IGSF10: variants seen among roughly 807,000 people sequenced by gnomAD.
IGSF10 encodes the protein calvaria mechanical force protein 608.
In IGSF10, 126 loss-of-function variants were observed where a neutral mutation model predicts 128.2. That is an observed-to-expected ratio of 0.98 (90% CI 0.85 to 1.14). The LOEUF is 1.14. IGSF10 is among the 50% of genes most tolerant of loss of function. The pLI is 0.00. For missense variants in IGSF10, 3,295 were observed against 3,149.8 expected, an observed-to-expected ratio of 1.05 and a Z score of -1.10; for synonymous variants, 1,185 against 1,146.2, an observed-to-expected ratio of 1.03 and a Z score of -0.68.
the IGSF10 span, among the ~76,000 whole-genome samples, chr3:151,574,678 C>A: frequency 6.6e-6 from 1 of 152,268 alleles, no homozygotes; most frequent in South Asian, 2.1e-4. Context: ...TCCTTTAGCT[C>A]AGAGAAGTTT....
the IGSF10 span, among the ~76,000 whole-genome samples, chr3:151,498,670 A>G: frequency 8.0e-3 from 1,216 of 152,262 alleles, 14 homozygotes; most frequent in South Asian, 7.9e-3. Context: ...ACAAGTAGAC[A>G]AATTGAAAAT....
chr3:151,545,489 T>C, the IGSF10 span, among the ~76,000 whole-genome samples: 1 of 152,212 alleles, frequency 6.6e-6, no homozygotes. Flanking sequence ...AGGCTTTCTA[T>C]CACTTCCATT....
chr3:151,485,695 A>C, the IGSF10 span, among the ~76,000 whole-genome samples: 1 of 152,162 alleles, frequency 6.6e-6, no homozygotes, highest in South Asian at 2.1e-4. Flanking sequence ...CGTATCCAAC[A>C]AAACTAAGCT....
At chr3:151,524,150 G>A in the IGSF10 span, among the ~76,000 whole-genome samples, 1 of 152,134 alleles carries the variant, frequency 6.6e-6, no homozygotes, top group Non-Finnish European at 1.5e-5. Context: ...CGAGGTTGCA[G>A]AGAAAAGGGA....
chr3:151,515,310 C>T, the IGSF10 span, among the ~76,000 whole-genome samples: 20 of 151,784 alleles, frequency 1.3e-4, no homozygotes, highest in Non-Finnish European at 1.9e-4. Flanking sequence ...GAGTTCATGT[C>T]CTTTGTATGG....
chr3:151,449,241 CT>C lies in IGSF10; in HGVS notation c.739del (p.Arg247GlufsTer13). 6.3e-7 allele frequency: 1 copy of C among 1,579,026 alleles called. No homozygotes were observed. The highest frequency in any genetic ancestry group is 8.6e-7 in the Non-Finnish European group (1 of 1,164,224). The part of the protein sequence containing the change: ...KPDVIKCKKD[R>X]SPSSAQQCPL... ...ACACTGCTGAGCACTAGAGGGACTT[CT>C]ATCTTTTTTGCATTTTATTACATCT... On this transcript the variant is annotated frameshift_variant, in exon 6 of 8. Coordinates refer to ENST00000282466, the MANE Select transcript of IGSF10 (RefSeq NM_178822.5). LOFTEE classifies it high-confidence loss of function.
At chr3:151,482,951 C>A in the IGSF10 span, among the ~76,000 whole-genome samples, 869 of 151,438 alleles carry the variant, frequency 5.7e-3, 9 homozygotes, top group African/African-American at 0.02. Flanking sequence ...TTATGCTTAG[C>A]AAATCTGTTA....
At chr3:151,578,291 T>C in the IGSF10 span, among the ~76,000 whole-genome samples, 1 of 152,166 alleles carries the variant, frequency 6.6e-6, no homozygotes, top group African/African-American at 2.4e-5. Context: ...ATAGTAATAG[T>C]AAATATTTTA....
chr3:151,482,995 A>G, the IGSF10 span, among the ~76,000 whole-genome samples: 1,861 of 152,284 alleles, frequency 0.012, 31 homozygotes, highest in African/African-American at 0.043. Flanking sequence ...TTTTCAGATA[A>G]GCAAAAACTG....
At chr3:151,455,998 A>G (rs1032480831) in intron 4 of IGSF10, among the ~76,000 whole-genome samples, 2 of 152,246 alleles carry the variant, frequency 1.3e-5, no homozygotes, top group African/African-American at 4.8e-5. Flanking sequence ...TAAGTTGGCA[A>G]CATAGAAGAG....
In IGSF10 at chr3:151,447,666, C is replaced by T. The variant is rs746715734; in HGVS notation, c.2315G>A (p.Arg772Gln). Residue 772 changes from arginine to glutamine, a missense_variant, in exon 6 of 8, where the codon CGA becomes CAA. Coordinates refer to ENST00000282466, the MANE Select transcript of IGSF10 (RefSeq NM_178822.5). ...KAKKNAMPDKRENTTVSPPPV... is the reference protein window; with the variant it reads ...KAKKNAMPDKQENTTVSPPPV... ...GGGTGGGCTCACTGTGGTATTTTCT[C>T]GCTTGTCTGGCATAGCATTCTTTTT... The T allele has an allele frequency of 6.2e-6, 10 of 1,614,134 alleles. No homozygotes were observed. The highest frequency in any genetic ancestry group is 3.3e-5 in the Admixed American group (2 of 60,018).
At chr3:151,589,847 G>A in the IGSF10 span, among the ~76,000 whole-genome samples, 5 of 152,156 alleles carry the variant, frequency 3.3e-5, no homozygotes, top group Admixed American at 3.3e-4. Flanking sequence ...CAAAGGAAAG[G>A]TTTTCTTTTT....
chr3:151,445,270 C>T lies in IGSF10; in HGVS notation c.4711G>A (p.Ala1571Thr), dbSNP rs1423096193. 6.2e-7 allele frequency: 1 copy of T among 1,614,174 alleles called. No individual in the cohort carries two copies. The highest frequency in any genetic ancestry group is 8.5e-7 in the Non-Finnish European group (1 of 1,180,040). Residue 1571 changes from alanine (A) to threonine (T), a missense_variant, in exon 6 of 8, where the codon GCA (alanine) becomes ACA (threonine). Transcript: ENST00000282466. ...QNSKLTPSPW[A>T]ENQFWHKPYS... ...GGTTTGTGCCAAAATTGGTTTTCTG[C>T]CCAGGGAGATGGAGTTAATTTAGAA...
rs1432425692 is a variant in IGSF10, at chr3:151,445,375, T to C, written c.4606A>G (p.Ile1536Val). Reference sequence around the variant, plus strand: ...GAGTAGATGAAGTGAGTGGTTCCAATTGTGAACTTGGCATTTGGGTGAACC... The same window carrying C: ...GAGTAGATGAAGTGAGTGGTTCCAACTGTGAACTTGGCATTTGGGTGAACC... ...PKVHPNAKFT[I>V]GTTHFIYSNL... Residue 1536 changes from isoleucine to valine, a missense_variant, in exon 6 of 8, where the codon ATT becomes GTT. Coordinates refer to ENST00000282466, the MANE Select transcript of IGSF10 (RefSeq NM_178822.5). The C allele has an allele frequency of 2.5e-6, 4 of 1,614,214 alleles. No homozygotes were observed. Among genetic ancestry groups the C allele is most frequent in the Non-Finnish European group, 3.4e-6 (4 of 1,180,026 alleles).
chr3:151,510,646 T>C, the IGSF10 span, among the ~76,000 whole-genome samples: 4 of 152,132 alleles, frequency 2.6e-5, no homozygotes, highest in Non-Finnish European at 5.9e-5. Context: ...AAGGAAGGCT[T>C]CAGAAGATCA....
At chr3:151,512,014 G>C in the IGSF10 span, among the ~76,000 whole-genome samples, 1 of 152,106 alleles carries the variant, frequency 6.6e-6, no homozygotes, top group East Asian at 1.9e-4. Flanking sequence ...CCATAATAAC[G>C]GGAGACTTTA....
upstream of IGSF10, among the ~76,000 whole-genome samples, chr3:151,463,541 T>TTTTTTTG (rs1722157185): frequency 9.2e-6 from 1 of 108,612 alleles, no homozygotes; most frequent in Non-Finnish European, 1.8e-5. Flanking sequence ...TTTTTTTTTT[T>TTTTTTTG]TTTTTTTTTT....
chr3:151,614,936 T>C, the IGSF10 span, among the ~76,000 whole-genome samples: 4 of 150,932 alleles, frequency 2.7e-5, no homozygotes, highest in Admixed American at 2.6e-4. Flanking sequence ...ATTATGGTGA[T>C]ATCAATGAAA....
At chr3:151,467,023 T>C in the IGSF10 span, among the ~76,000 whole-genome samples, 1 of 152,126 alleles carries the variant, frequency 6.6e-6, no homozygotes, top group Non-Finnish European at 1.5e-5. Context: ...CAGTGGGACA[T>C]AGTCTTTCAT....
Sources: gnomAD v4.1 joint callset for allele counts (sites outside exome capture counted in the v4.1 genomes callset) on GRCh38, gnomAD v4.1.1 for gene constraint, MANE v1.5 for transcripts, NCBI Gene and HGNC (gene_info 2026-07-23, HGNC 2026-07-21) for gene names.